Variants in CPSF2 observed in about 807,000 individuals in gnomAD.
CPSF2 encodes the protein cleavage and polyadenylation specificity factor subunit 2.
A neutral mutation model predicts 84.2 loss-of-function variants in CPSF2; 51 were observed. The observed-to-expected ratio is 0.61, with a 90% CI of 0.48 to 0.77. The LOEUF (loss-of-function observed/expected upper bound fraction) is 0.77. Ranked by LOEUF, CPSF2 falls within the 30% of genes least tolerant of loss-of-function variation. The probability of loss-of-function intolerance (pLI) is 0.00; values close to 1 mark genes in which losing one functional copy is unlikely to be tolerated. For missense variants in CPSF2, 641 were observed against 929.4 expected, an observed-to-expected ratio of 0.69 and a Z score of 4.03; for synonymous variants, 286 against 311.9, an observed-to-expected ratio of 0.92 and a Z score of 0.87.
At chr14:92,153,546 T>C (rs1373190275) in intron 9 of CPSF2, among the ~76,000 whole-genome samples, 2 of 152,126 alleles carry the variant, frequency 1.3e-5, no homozygotes, top group Non-Finnish European at 2.9e-5. Flanking sequence ...CTTATCTGTA[T>C]TTTCTTTTCC....
At chr14:92,154,259 A>G in intron 9 of CPSF2, 99 bp from the exon 10 acceptor site, 1 of 745,568 alleles carries the variant, frequency 1.3e-6, no homozygotes, top group Non-Finnish European at 2.1e-6. Context: ...TTTAAAGATG[A>G]TAGAGCAATT....
intron 9 of CPSF2, among the ~76,000 whole-genome samples, chr14:92,151,323 T>A (rs2141474792): frequency 6.6e-6 from 1 of 151,998 alleles, no homozygotes; most frequent in African/African-American, 2.4e-5. Context: ...AACCTGGGAG[T>A]TCGAGGCTGC....
chr14:92,165,566 T>C lies in CPSF2; in HGVS notation c.*3822T>C, dbSNP rs1306250160. On this transcript the variant is annotated 3_prime_UTR_variant, in exon 16 of 16. Transcript: ENST00000298875. ...TTTCCATGTGTTTATTGACTTTTTA[T>C]ATATTTTGGAGTAATATCTGTTCAT... 6.6e-6 allele frequency: 1 copy of C among 152,308 alleles called. No homozygotes were observed. The allele number at this position is 152,308 out of a possible 1,614,324, so 9.4% of individuals were successfully genotyped here.
chr14:92,158,541 T>G (rs780563324), intron 13 of CPSF2, among the ~76,000 whole-genome samples: 3 of 152,042 alleles, frequency 2.0e-5, no homozygotes, highest in South Asian at 2.1e-4. Flanking sequence ...TGTGGTATAT[T>G]CAGGAAAGGA....
intron 9 of CPSF2, among the ~76,000 whole-genome samples, chr14:92,147,495 T>C (rs2069158315): frequency 1.3e-5 from 2 of 152,190 alleles, no homozygotes; most frequent in African/African-American, 4.8e-5. Context: ...TTACATATTT[T>C]AAATGAAAAA....
chr14:92,134,155 G>T lies in CPSF2; in HGVS notation c.294G>T (p.Met98Ile), dbSNP rs772767378. The change falls in exon 4 of 16, where the codon ATG becomes ATT. Residue 98 changes from methionine (M) to isoleucine (I), a missense_variant. Coordinates refer to ENST00000298875, the MANE Select transcript of CPSF2 (RefSeq NM_017437.3). ...TTTATAAAATGGGACAGATGTTCAT[G>T]TATGATCTTTATCAGGTAATTTAAG... ...IPVYKMGQMF[M>I]YDLYQSRHNT... 4.3e-6 allele frequency: 7 copies of T among 1,614,092 alleles called. No homozygotes were observed. Among genetic ancestry groups the T allele is most frequent in the Non-Finnish European group, 5.9e-6 (7 of 1,180,000 alleles).
chr14:92,123,445 C>T (rs183218423), intron 1 of CPSF2, among the ~76,000 whole-genome samples: 7 of 152,132 alleles, frequency 4.6e-5, no homozygotes, highest in Non-Finnish European at 7.4e-5. Context: ...TCCACCCAGG[C>T]TGGAGTGCAG....
At position 92,159,015 on chromosome 14, in the gene CPSF2, T is replaced by A; in HGVS notation, c.1854T>A (p.Leu618=). 1 of 1,614,008 alleles carries A rather than the reference T, an allele frequency of 6.2e-7. No homozygotes were observed. Among genetic ancestry groups the A allele is most frequent in the South Asian group, 1.1e-5 (1 of 91,072 alleles). Residue 618 remains leucine, a synonymous_variant, in exon 14 of 16, where the codon CTT becomes CTA. Coordinates refer to ENST00000298875, the MANE Select transcript of CPSF2 (RefSeq NM_017437.3). The part of the protein sequence containing the change: ...VRLKDSLVSS[L]QFCKAKDAEL... The stretch of plus-strand genomic sequence containing the variant: ...TAAAAGACTCACTTGTCAGCTCTCT[T>A]CAGTTTTGTAAGGCAAAAGATGCTG...
intron 7 of CPSF2, among the ~76,000 whole-genome samples, chr14:92,141,673 G>GCCTCAGCCTCCCAAGTAGC (rs2069080477): frequency 6.6e-6 from 1 of 152,084 alleles, no homozygotes; most frequent in Non-Finnish European, 1.5e-5. Flanking sequence ...TTTGGTATTC[G>GCCTCAGCCTCCCAAGTAGC]TGGGAGTCCC....
chr14:92,153,580 T>G (rs1313150823), intron 9 of CPSF2, among the ~76,000 whole-genome samples: 1 of 152,184 alleles, frequency 6.6e-6, no homozygotes, highest in Non-Finnish European at 1.5e-5. Context: ...TTAACCAGTT[T>G]GATTGTTTGG....
intron 1 of CPSF2, among the ~76,000 whole-genome samples, chr14:92,122,845 T>TTTTC (rs1178257401): frequency 6.7e-6 from 1 of 148,526 alleles, no homozygotes; most frequent in Non-Finnish European, 1.5e-5. Flanking sequence ...CCCCTTTCTT[T>TTTTC]TTTCTTTCTT....
intron 9 of CPSF2, among the ~76,000 whole-genome samples, chr14:92,150,410 C>A (rs1434046913): frequency 6.6e-6 from 1 of 151,844 alleles, no homozygotes; most frequent in Non-Finnish European, 1.5e-5. Flanking sequence ...GCGCGAGTCA[C>A]CGCACCAGGC....
chr14:92,151,702 T>C (rs1166148182), intron 9 of CPSF2, among the ~76,000 whole-genome samples: 1 of 152,186 alleles, frequency 6.6e-6, no homozygotes, highest in African/African-American at 2.4e-5. Flanking sequence ...TCCAGCTGTC[T>C]TCTGTTGAGC....
intron 6 of CPSF2, 119 bp downstream of exon 6, chr14:92,135,615 C>A: frequency 3.3e-6 from 3 of 918,094 alleles, no homozygotes; most frequent in South Asian, 1.8e-5. Flanking sequence ...AACTTAAAAC[C>A]GTCAAATAGG....
At chr14:92,159,599 A>G (rs748620413) in intron 14 of CPSF2, among the ~76,000 whole-genome samples, 1 of 152,104 alleles carries the variant, frequency 6.6e-6, no homozygotes, top group East Asian at 1.9e-4. Flanking sequence ...AGGCAGGAGG[A>G]TTGCTTGAGC....
At chr14:92,130,610 G>T (rs2068909609) in intron 2 of CPSF2, among the ~76,000 whole-genome samples, 1 of 152,110 alleles carries the variant, frequency 6.6e-6, no homozygotes, top group Non-Finnish European at 1.5e-5. Context: ...AGATACATAG[G>T]TGAGGAAAGT....
rs2069502421 is a variant in CPSF2 at position 92,170,346 on chromosome 14, T to C, written c.*8602T>C. The C allele has an allele frequency of 6.6e-6, 1 of 152,208 alleles. No individual in the cohort carries two copies. Among genetic ancestry groups the C allele is most frequent in the East Asian group, 1.9e-4 (1 of 5,196 alleles). 9.4% of individuals were successfully genotyped at this position (152,208 alleles called of 1,614,324 possible). On this transcript the variant is annotated 3_prime_UTR_variant, in exon 16 of 16. Coordinates refer to ENST00000298875, the MANE Select transcript of CPSF2 (RefSeq NM_017437.3). ...TGTATTCACATTATTTTTTGAACTG[T>C]TTGTTACTAAGTTGCAATTGTGATG...
At position 92,142,151 on chromosome 14, in the gene CPSF2, T is replaced by C. The variant is rs1445365893; in HGVS notation, c.662-13T>C. On this transcript the variant is annotated splice_polypyrimidine_tract_variant and intron_variant, in intron 7 of 15. Coordinates refer to ENST00000298875, the MANE Select transcript of CPSF2 (RefSeq NM_017437.3). Reference sequence around the variant, plus strand: ...GTTACGTTCTATGGGGATTTTACATTCTTGTTTTCTAGCAAATGTCCTGGA... The same window carrying C: ...GTTACGTTCTATGGGGATTTTACATCCTTGTTTTCTAGCAAATGTCCTGGA... 1 of 1,580,374 alleles carries C rather than the reference T, an allele frequency of 6.3e-7. No individual in the cohort carries two copies. Among genetic ancestry groups the C allele is most frequent in the African/African-American group, 1.3e-5 (1 of 74,120 alleles).
At chr14:92,146,649 ACT>A (rs2069148270) in intron 9 of CPSF2, among the ~76,000 whole-genome samples, 1 of 151,976 alleles carries the variant, frequency 6.6e-6, no homozygotes, top group African/African-American at 2.4e-5. Context: ...CAAAACTGAA[ACT>A]CTGTACCTAT....
Sources: gnomAD v4.1 joint callset for allele counts (sites outside exome capture counted in the v4.1 genomes callset) on GRCh38, gnomAD v4.1.1 for gene constraint, MANE v1.5 for transcripts, NCBI Gene and HGNC (gene_info 2026-07-23, HGNC 2026-07-21) for gene names.